Variants in DPP10 observed in about 807,000 individuals in gnomAD.
The protein encoded by DPP10 is dipeptidyl peptidase like 10, also known as inactive dipeptidyl peptidase 10.
DPP10 carries 33 observed loss-of-function variants against 120.9 expected under a neutral mutation model. The observed-to-expected ratio is 0.27, with a 90% CI of 0.21 to 0.37. The LOEUF (loss-of-function observed/expected upper bound fraction) is 0.37. Among genes scored for constraint, DPP10 ranks in the 10% least tolerant of loss-of-function variants. The pLI is 1.00. For missense variants in DPP10, 816 were observed against 942.8 expected, an observed-to-expected ratio of 0.87 and a Z score of 1.76; for synonymous variants, 337 against 326.1, an observed-to-expected ratio of 1.03 and a Z score of -0.36.
At chr2:114,913,621 A>T (rs1323014843) in intron 1 of DPP10, among the ~76,000 whole-genome samples, 2 of 152,206 alleles carry the variant, frequency 1.3e-5, no homozygotes, top group African/African-American at 4.8e-5. Context: ...GCCCAAATAG[A>T]TGAGGAAGAA....
At chr2:114,655,613 A>G (rs1696911398) in intron 1 of DPP10, among the ~76,000 whole-genome samples, 1 of 151,918 alleles carries the variant, frequency 6.6e-6, no homozygotes, top group South Asian at 2.1e-4. Context: ...TTTTCTATGT[A>G]TTTTTCAACC....
intron 21 of DPP10, among the ~76,000 whole-genome samples, chr2:115,819,851 G>A (rs1190651196): frequency 1.1e-4 from 17 of 151,996 alleles, no homozygotes; most frequent in Admixed American, 2.6e-4. Context: ...AAAACTAGCC[G>A]GGCATGGTGG....
intron 5 of DPP10, among the ~76,000 whole-genome samples, chr2:115,574,371 A>G (rs1251528304): frequency 4.6e-5 from 7 of 152,204 alleles, no homozygotes; most frequent in Non-Finnish European, 7.3e-5. Flanking sequence ...TTAAAGGTCT[A>G]TCCCAAGTTT....
intron 8 of DPP10, among the ~76,000 whole-genome samples, chr2:115,732,280 A>G (rs72828553): frequency 0.017 from 2,603 of 152,330 alleles, 22 homozygotes; most frequent in Middle Eastern, 0.031. Context: ...ATATTTTTAC[A>G]GTAAGCTTTA....
chr2:115,454,095 TA>T (rs2073336438), intron 3 of DPP10, among the ~76,000 whole-genome samples: 3 of 151,564 alleles, frequency 2.0e-5, no homozygotes, highest in South Asian at 4.1e-4. Context: ...TTCTCTAAAA[TA>T]AAAGCCCTCT....
At chr2:114,473,867 A>G (rs183481658) in intron 1 of DPP10, among the ~76,000 whole-genome samples, 2 of 152,350 alleles carry the variant, frequency 1.3e-5, no homozygotes, top group East Asian at 3.9e-4. Flanking sequence ...ATACTTACAT[A>G]CATACATACA....
intron 5 of DPP10, among the ~76,000 whole-genome samples, chr2:115,541,165 G>C (rs1326028870): frequency 6.6e-6 from 1 of 151,812 alleles, no homozygotes; most frequent in African/African-American, 2.4e-5. Flanking sequence ...GTATTTATTA[G>C]TTATTCACTT....
intron 1 of DPP10, among the ~76,000 whole-genome samples, chr2:114,772,990 G>A (rs1287142671): frequency 6.6e-6 from 1 of 152,144 alleles, no homozygotes; most frequent in East Asian, 1.9e-4. Context: ...ATCTGGCTTA[G>A]AGAGAGTAGG....
intron 3 of DPP10, among the ~76,000 whole-genome samples, chr2:115,448,994 A>G (rs1408755185): frequency 6.6e-6 from 1 of 152,180 alleles, no homozygotes; most frequent in Non-Finnish European, 1.5e-5. Context: ...AAGACACTCA[A>G]TAAATATTTG....
intron 1 of DPP10, among the ~76,000 whole-genome samples, chr2:114,691,210 A>G (rs1699723221): frequency 6.6e-6 from 1 of 152,038 alleles, no homozygotes; most frequent in South Asian, 2.1e-4. Context: ...TTTGTTATAT[A>G]TGGCTTTTAT....
chr2:115,816,908 C>T (rs2150044342), intron 21 of DPP10, among the ~76,000 whole-genome samples: 1 of 148,820 alleles, frequency 6.7e-6, no homozygotes, highest in African/African-American at 2.4e-5. Flanking sequence ...AGCCACCGTG[C>T]CCAGCCTATT....
chr2:114,666,480 A>C (rs1270972067), intron 1 of DPP10, among the ~76,000 whole-genome samples: 1 of 152,244 alleles, frequency 6.6e-6, no homozygotes, highest in Non-Finnish European at 1.5e-5. Flanking sequence ...ACCTATTAGT[A>C]GGAGCCATAT....
At chr2:115,186,264 A>G (rs541057414) in intron 1 of DPP10, among the ~76,000 whole-genome samples, 2 of 152,322 alleles carry the variant, frequency 1.3e-5, no homozygotes, top group South Asian at 2.1e-4. Context: ...AAGTTCTTCT[A>G]TGCAGAGAGA....
intron 5 of DPP10, among the ~76,000 whole-genome samples, chr2:115,590,116 CTT>C (rs35289540): frequency 4.5e-4 from 63 of 140,222 alleles, no homozygotes; most frequent in African/African-American, 1.3e-3. Context: ...CTTTCCTTTT[CTT>C]TTTTTTTTTT....
chr2:115,679,200 G>A (rs562481778), intron 5 of DPP10, among the ~76,000 whole-genome samples: 13 of 151,918 alleles, frequency 8.6e-5, no homozygotes, highest in Admixed American at 1.3e-4. Flanking sequence ...GATGTGGGGG[G>A]GGTGCATGGG....
Position 115,225,771 on chromosome 2 carries a change from A to G in DPP10, c.61-83468A>G, listed in dbSNP as rs912640361. ...ATTTTTGTTTTACTTTAATCAGCAT[A>G]TATTGATTTTTGTGGGAAAAAAATT... On this transcript the variant is annotated intron_variant, in intron 1 of 25. Coordinates refer to ENST00000410059, the MANE Select transcript of DPP10 (RefSeq NM_020868.6). 4.6e-5 allele frequency among the ~76,000 whole-genome samples: 7 copies of G among 152,124 alleles called. No homozygotes were observed. The East Asian group carries it at 7.7e-4, about 17-fold the overall frequency.
chr2:114,573,513 G>A (rs913104375), intron 1 of DPP10, among the ~76,000 whole-genome samples: 1 of 152,096 alleles, frequency 6.6e-6, no homozygotes, highest in African/African-American at 2.4e-5. Context: ...GAAGTACAAG[G>A]AAAAGAGAAA....
intron 1 of DPP10, among the ~76,000 whole-genome samples, chr2:115,242,024 G>T (rs745986082): frequency 3.3e-5 from 5 of 152,018 alleles, no homozygotes; most frequent in Admixed American, 6.6e-5. Flanking sequence ...ATTTCTATAG[G>T]TTTTTGGGGG....
chr2:115,719,667 C>T (rs1201199696), intron 7 of DPP10, among the ~76,000 whole-genome samples: 1 of 152,180 alleles, frequency 6.6e-6, no homozygotes, highest in Non-Finnish European at 1.5e-5. Flanking sequence ...AAGTTGAATG[C>T]TGCATTGTGG....
Sources: allele counts gnomAD v4.1 joint callset (sites outside exome capture counted in the v4.1 genomes callset), GRCh38; gene constraint gnomAD v4.1.1; transcripts MANE v1.5; gene names NCBI Gene and HGNC (gene_info 2026-07-23, HGNC 2026-07-21).